Variants in AGBL1 observed in about 807,000 individuals in gnomAD.
AGBL1 encodes the protein AGBL carboxypeptidase 1.
AGBL1 carries 130 observed loss-of-function variants against 118.9 expected under a neutral mutation model. That is an observed-to-expected ratio of 1.09 (90% CI 0.95 to 1.26). The LOEUF is 1.26. Among genes scored for constraint, AGBL1 ranks in the 50% most tolerant of loss-of-function variants. The probability of loss-of-function intolerance (pLI) is 0.00; values close to 1 mark genes in which losing one functional copy is unlikely to be tolerated. For missense variants in AGBL1, 1,584 were observed against 1,298.1 expected, an observed-to-expected ratio of 1.22 and a Z score of -3.38; for synonymous variants, 555 against 478.9, an observed-to-expected ratio of 1.16 and a Z score of -2.08.
intron 22 of AGBL1, among the ~76,000 whole-genome samples, chr15:86,837,773 TGA>T (rs988058106): frequency 9.2e-5 from 14 of 152,286 alleles, no homozygotes; most frequent in African/African-American, 3.1e-4. Flanking sequence ...GATTAGAGCG[TGA>T]GAGAGAAGAC....
rs115940731 is a variant in AGBL1, at chr15:86,468,421, C to T, written c.2556-54389C>T. Among the ~76,000 whole-genome samples, 155 of 152,280 alleles carry T rather than the reference C, an allele frequency of 1.0e-3. 1 individual carries two copies. Among genetic ancestry groups the T allele is most frequent in the African/African-American group, 3.5e-3 (144 of 41,564 alleles). ...GCTTGGGGTGTAGTTTCCCAGACCGCACTGCTGGAATCTGCATTCTGGGCA... is the reference window on the plus strand; with the variant it reads ...GCTTGGGGTGTAGTTTCCCAGACCGTACTGCTGGAATCTGCATTCTGGGCA... On this transcript the variant is annotated intron_variant, in intron 18 of 22. Coordinates refer to ENST00000614907, the MANE Select transcript of AGBL1 (RefSeq NM_001386094.1).
rs79571415 is a variant in AGBL1 at position 86,809,115 on chromosome 15, A to G, written c.3159-97972A>G. ...TTCCAACAATGTAAGGATTAGAAAAATATAACAGACTTGCCTAAAGTCACC... is the reference window on the plus strand; with the variant it reads ...TTCCAACAATGTAAGGATTAGAAAAGTATAACAGACTTGCCTAAAGTCACC... On this transcript the variant is annotated intron_variant, in intron 22 of 22. Transcript: ENST00000614907. 3.4e-3 allele frequency among the ~76,000 whole-genome samples: 515 copies of G among 152,278 alleles called. 4 individuals carry two copies. Among genetic ancestry groups the G allele is most frequent in the African/African-American group, 0.012 (487 of 41,572 alleles).
chr15:86,310,112 T>C (rs1358028991), intron 17 of AGBL1, among the ~76,000 whole-genome samples: 1 of 152,190 alleles, frequency 6.6e-6, no homozygotes, highest in African/African-American at 2.4e-5. Flanking sequence ...TTACTTGTTA[T>C]TGGTCTTCTG....
chr15:86,949,671 G>T (rs962664907), intron 23 of AGBL1, among the ~76,000 whole-genome samples: 7 of 152,032 alleles, frequency 4.6e-5, no homozygotes, highest in Non-Finnish European at 7.4e-5. Context: ...GTATAATAAT[G>T]CTTTGATCCT....
At chr15:86,823,449 A>T (rs1333386870) in intron 22 of AGBL1, among the ~76,000 whole-genome samples, 1 of 152,194 alleles carries the variant, frequency 6.6e-6, no homozygotes, top group Non-Finnish European at 1.5e-5. Context: ...GCCTTGCAAA[A>T]TAATGCTTAT....
In AGBL1 at chr15:86,911,981, G is replaced by A. The variant is rs2080358262; in HGVS notation, c.*4687G>A. On this transcript the variant is annotated 3_prime_UTR_variant, in exon 23 of 23. Coordinates refer to ENST00000614907, the MANE Select transcript of AGBL1 (RefSeq NM_001386094.1). ...CAAACCTGCTATTATCTTGGCATCT[G>A]TCCCTATACCTATCATACTTCTTAA... 1.3e-5 allele frequency: 2 copies of A among 152,094 alleles called. No homozygotes were observed. The highest frequency in any genetic ancestry group is 4.1e-4 in the South Asian group (2 of 4,820). 9.4% of individuals were successfully genotyped at this position (152,094 alleles called of 1,614,324 possible).
chr15:86,526,544 G>GTATATATATATATATATATATA (rs1555422465), intron 19 of AGBL1, among the ~76,000 whole-genome samples: 1 of 119,452 alleles, frequency 8.4e-6, no homozygotes, highest in African/African-American at 3.3e-5. Flanking sequence ...TTGTGTCTGT[G>GTATATATATATATATATATATA]TATATATATA....
chr15:86,785,639 A>G (rs927505749), intron 22 of AGBL1, among the ~76,000 whole-genome samples: 1 of 152,106 alleles, frequency 6.6e-6, no homozygotes, highest in South Asian at 2.1e-4. Flanking sequence ...AAGTGCTGGG[A>G]TTACAGGCAT....
chr15:86,917,459 G>A (rs1420579316), downstream of AGBL1, among the ~76,000 whole-genome samples: 1 of 152,178 alleles, frequency 6.6e-6, no homozygotes, highest in African/African-American at 2.4e-5. This position sits in a 1 kb window ranked among gnomAD's most constrained non-coding sequence, Gnocchi z 4.8. Context: ...GTTAGGGAAA[G>A]GGAGCTCATT....
In AGBL1 at chr15:86,250,713, C is replaced by G. The variant is rs543750062; in HGVS notation, c.735+2834C>G. Among the ~76,000 whole-genome samples the G allele has an allele frequency of 3.9e-5, 6 of 152,158 alleles. No homozygotes were observed. In the South Asian group the frequency reaches 1.2e-3, roughly 32 times the overall value. The stretch of plus-strand genomic sequence containing the variant: ...AGAAACCAAATGGCTTGTTACTCTT[C>G]CCCCCGGCAGTCATAACCAGTGTTG... On this transcript the variant is annotated intron_variant, in intron 7 of 22. Coordinates refer to ENST00000614907, the MANE Select transcript of AGBL1 (RefSeq NM_001386094.1).
chr15:86,393,331 C>T (rs1361480395), intron 17 of AGBL1, among the ~76,000 whole-genome samples: 1 of 152,094 alleles, frequency 6.6e-6, no homozygotes, highest in Non-Finnish European at 1.5e-5. Flanking sequence ...GCCAACTGGC[C>T]CAGACAATGG....
intron 17 of AGBL1, among the ~76,000 whole-genome samples, chr15:86,318,656 G>A (rs1359231709): frequency 6.6e-6 from 1 of 151,144 alleles, no homozygotes; most frequent in South Asian, 2.1e-4. Flanking sequence ...GGAGTTATGG[G>A]AGGGTATTTA....
chr15:86,119,406 C>G (rs1897954989), intron 1 of AGBL1, among the ~76,000 whole-genome samples: 1 of 151,880 alleles, frequency 6.6e-6, no homozygotes, highest in South Asian at 2.1e-4. Context: ...TCTGGCTCCT[C>G]TCTCAACTAT....
At chr15:86,870,454 CAAAAAAAAAAAAAAAAAAAAAAAAAAAA>C (rs770556494) in intron 22 of AGBL1, among the ~76,000 whole-genome samples, 12 of 64,128 alleles carry the variant, frequency 1.9e-4, no homozygotes, top group South Asian at 1.3e-3. Context: ...AAGCATACTG[CAAAAAAAAAAAAAAAAAAAAAAAAAAAA>C]AAAAAAAAAA....
At chr15:86,536,347 T>C (rs1414527643) in intron 19 of AGBL1, among the ~76,000 whole-genome samples, 1 of 152,166 alleles carries the variant, frequency 6.6e-6, no homozygotes, top group Non-Finnish European at 1.5e-5. Flanking sequence ...GGTCTCGATC[T>C]GTCACCAGGC....
chr15:86,966,117 A>G (rs1359586790), intron 23 of AGBL1, among the ~76,000 whole-genome samples: 1 of 152,036 alleles, frequency 6.6e-6, no homozygotes, highest in Non-Finnish European at 1.5e-5. Flanking sequence ...GCCATGTTTC[A>G]CAAATATTAC....
chr15:86,201,043 A>T (rs563157281), intron 5 of AGBL1, among the ~76,000 whole-genome samples: 36 of 152,344 alleles, frequency 2.4e-4, no homozygotes, highest in African/African-American at 8.2e-4. Flanking sequence ...ACTAATAATC[A>T]TAAGTTTATT....
chr15:86,918,386 G>T (rs1401157703), downstream of AGBL1, among the ~76,000 whole-genome samples: 3 of 152,094 alleles, frequency 2.0e-5, no homozygotes, highest in African/African-American at 7.2e-5. Context: ...CCTCGGAAAA[G>T]GAAATGTTCC....
chr15:86,810,492 G>T (rs1455843911), intron 22 of AGBL1, among the ~76,000 whole-genome samples: 1 of 152,002 alleles, frequency 6.6e-6, no homozygotes, highest in African/African-American at 2.4e-5. Flanking sequence ...ACCTCTGAAA[G>T]GCCCCATTAC....
Sources: gnomAD v4.1 joint callset for allele counts (sites outside exome capture counted in the v4.1 genomes callset) on GRCh38, gnomAD v4.1.1 for gene constraint, Gnocchi (gnomAD v3.1) non-coding constraint, MANE v1.5 for transcripts, NCBI Gene and HGNC (gene_info 2026-07-23, HGNC 2026-07-21) for gene names.